Variants in COL23A1 observed in about 807,000 individuals in gnomAD.
COL23A1 encodes the protein collagen alpha-1(XXIII) chain.
In COL23A1, 97 loss-of-function variants were observed where a neutral mutation model predicts 99.3. The observed-to-expected ratio is 0.98, with a 90% confidence interval of 0.83 to 1.16. The LOEUF (loss-of-function observed/expected upper bound fraction) is 1.16. Ranked by LOEUF, COL23A1 falls within the 50% of genes most tolerant of loss-of-function variation. The pLI, the probability that COL23A1 is intolerant of heterozygous loss-of-function variation, is 0.00. For synonymous variants in COL23A1, 320 were observed against 308.2 expected, an observed-to-expected ratio of 1.04 and a Z score of -0.40; for missense variants, 762 against 757.4, an observed-to-expected ratio of 1.01 and a Z score of -0.07.
At chr5:178,316,863 C>T (rs1051095442) in intron 2 of COL23A1, among the ~76,000 whole-genome samples, 3 of 144,712 alleles carry the variant, frequency 2.1e-5, no homozygotes, top group African/African-American at 5.3e-5. Context: ...AAAAAAAAAA[C>T]GTTGCTTGGC....
chr5:178,301,334 TC>T (rs1758020575), intron 3 of COL23A1, among the ~76,000 whole-genome samples: 6 of 152,266 alleles, frequency 3.9e-5, no homozygotes. Flanking sequence ...GACATGATTC[TC>T]ATGCTTTCCT....
At chr5:178,317,961 C>T (rs1480890388) in intron 2 of COL23A1, among the ~76,000 whole-genome samples, 2 of 152,064 alleles carry the variant, frequency 1.3e-5, no homozygotes, top group African/African-American at 4.8e-5. Flanking sequence ...GAAAACCACC[C>T]CCGTGATTCA....
intron 2 of COL23A1, among the ~76,000 whole-genome samples, chr5:178,446,447 C>A (rs1767162429): frequency 6.6e-6 from 1 of 151,904 alleles, no homozygotes; most frequent in Non-Finnish European, 1.5e-5. Context: ...GTTTATCACA[C>A]AGAAAAAGCA....
rs73346840 is a variant in COL23A1, at chr5:178,341,829, C to A, written c.362-34910G>T. Reference sequence around the variant, plus strand: ...CCTCAGGACCTGACCCTTGGCTCTTCCTGTTTCTGGGGCCTGTCTTCCTCC... The same window carrying A: ...CCTCAGGACCTGACCCTTGGCTCTTACTGTTTCTGGGGCCTGTCTTCCTCC... On this transcript the variant is annotated intron_variant, in intron 2 of 28. Coordinates refer to ENST00000390654, the MANE Select transcript of COL23A1 (RefSeq NM_173465.4). 7.7e-3 allele frequency among the ~76,000 whole-genome samples: 1,170 copies of A among 152,278 alleles called. 17 individuals carry two copies. The highest frequency in any genetic ancestry group is 0.026 in the African/African-American group (1,093 of 41,556).
In COL23A1 at chr5:178,465,910, C is replaced by T. The variant is rs530077360; in HGVS notation, c.361+94772G>A. Among the ~76,000 whole-genome samples, 8 of 152,260 alleles carry T rather than the reference C, an allele frequency of 5.3e-5. No individual in the cohort carries two copies. The South Asian group carries it at 6.2e-4, about 12-fold the overall frequency. Reference sequence around the variant, plus strand: ...CGCTTGCCTGGCTTCCTGCCTGCTCCGGATGGCGAGTCTAACTCAGCGCAC... The same window carrying T: ...CGCTTGCCTGGCTTCCTGCCTGCTCTGGATGGCGAGTCTAACTCAGCGCAC... On this transcript the variant is annotated intron_variant, in intron 2 of 28. Transcript: ENST00000390654.
rs909115589 is a variant in COL23A1 at position 178,589,482 on chromosome 5, A to G, written c.294+422T>C. Among the ~76,000 whole-genome samples, 1 of 152,126 alleles carries G rather than the reference A, an allele frequency of 6.6e-6. No homozygotes were observed. Among genetic ancestry groups the G allele is most frequent in the Non-Finnish European group, 1.5e-5 (1 of 68,024 alleles). On this transcript the variant is annotated intron_variant, in intron 1 of 28. Coordinates refer to ENST00000390654, the MANE Select transcript of COL23A1 (RefSeq NM_173465.4). This position sits in a 1 kb window ranked among gnomAD's most constrained non-coding sequence, Gnocchi z 5.4. ...CCGTGACCACCGCCTCTCCAGGTGT[A>G]CCAGCGTTGGTTAGGAACAGTAGGT...
intron 1 of COL23A1, among the ~76,000 whole-genome samples, chr5:178,583,910 C>A (rs532891435): frequency 2.6e-5 from 4 of 152,240 alleles, no homozygotes; most frequent in South Asian, 2.1e-4. Flanking sequence ...GTCACCCAGG[C>A]TGGAGTGCAG....
intron 2 of COL23A1, among the ~76,000 whole-genome samples, chr5:178,467,252 T>C (rs1756470990): frequency 6.6e-6 from 1 of 152,188 alleles, no homozygotes; most frequent in Non-Finnish European, 1.5e-5. Context: ...ACTGAGGCCT[T>C]TGGGAAGGTC....
chr5:178,290,330 C>A (rs865856505), intron 4 of COL23A1, 32 bp downstream of exon 4: 3 of 1,613,900 alleles, frequency 1.9e-6, no homozygotes, highest in Middle Eastern at 3.3e-4. Context: ...TCTTATCTTT[C>A]AGAAGCAGAC....
intron 2 of COL23A1, among the ~76,000 whole-genome samples, chr5:178,317,213 C>T (rs1759028908): frequency 6.6e-6 from 1 of 152,214 alleles, no homozygotes; most frequent in Non-Finnish European, 1.5e-5. Flanking sequence ...TCCTATTATT[C>T]TTCAAGGACT....
chr5:178,249,905 C>G (rs945681348), intron 18 of COL23A1, among the ~76,000 whole-genome samples, 156 bp downstream of exon 18: 2 of 151,876 alleles, frequency 1.3e-5, no homozygotes, highest in Non-Finnish European at 2.9e-5. Context: ...GGTTTGCACA[C>G]AGGCAGCCTG....
chr5:178,344,948 C>T (rs539176200), intron 2 of COL23A1: 86 of 633,216 alleles, frequency 1.4e-4, no homozygotes, highest in Non-Finnish European at 2.3e-4. Context: ...AGAGAAAGTG[C>T]CAGTGGTTGC....
intron 2 of COL23A1, among the ~76,000 whole-genome samples, chr5:178,484,524 G>C (rs1757504974): frequency 6.6e-6 from 1 of 152,044 alleles, no homozygotes; most frequent in Admixed American, 6.5e-5. Context: ...TCCCGAAACT[G>C]TAAGAACAGT....
At chr5:178,548,002 T>C (rs1169752387) in intron 2 of COL23A1, among the ~76,000 whole-genome samples, 7 of 616 alleles carry the variant, frequency 0.011, no homozygotes, top group Admixed American at 0.025. Flanking sequence ...CACACCCCCA[T>C]ACCCACCCAC....
At chr5:178,287,464 C>G (rs1757218153) in intron 5 of COL23A1, among the ~76,000 whole-genome samples, 1 of 152,244 alleles carries the variant, frequency 6.6e-6, no homozygotes, top group Admixed American at 6.5e-5. Context: ...TGAGCACCTT[C>G]TCTTAAGGTC....
chr5:178,328,085 C>G (rs987980807), intron 2 of COL23A1, among the ~76,000 whole-genome samples: 5 of 152,068 alleles, frequency 3.3e-5, no homozygotes, highest in African/African-American at 1.2e-4. Flanking sequence ...AACCAAGAAC[C>G]CTGGGAGCTG....
rs80218662 is a variant in COL23A1, at chr5:178,274,309, G to A, written c.442-3946C>T. Among the ~76,000 whole-genome samples the A allele has an allele frequency of 6.9e-3, 1,055 of 152,334 alleles. 12 individuals are homozygous for A. Among genetic ancestry groups the A allele is most frequent in the African/African-American group, 0.024 (998 of 41,576 alleles). ...ACCAGGTGTTTCTACTGGTGGAGTG[G>A]GGGCTGAGCCTGGCTCTGGGTGCTC... On this transcript the variant is annotated intron_variant, in intron 5 of 28. Transcript: ENST00000390654.
chr5:178,437,526 GA>G (rs1766625204), intron 2 of COL23A1, among the ~76,000 whole-genome samples: 7 of 152,204 alleles, frequency 4.6e-5, no homozygotes, highest in Admixed American at 2.0e-4. Flanking sequence ...GAGGAGGGTA[GA>G]AGGCTGTATG....
intron 2 of COL23A1, among the ~76,000 whole-genome samples, chr5:178,398,842 C>T (rs73349093): frequency 0.046 from 6,939 of 152,298 alleles, 514 homozygotes; most frequent in African/African-American, 0.15. Flanking sequence ...ACATGTCTCT[C>T]GTTAGGCTGT....
Sources: gnomAD v4.1 joint callset for allele counts (sites outside exome capture counted in the v4.1 genomes callset) on GRCh38, gnomAD v4.1.1 for gene constraint, Gnocchi (gnomAD v3.1) non-coding constraint, MANE v1.5 for transcripts, NCBI Gene and HGNC (gene_info 2026-07-23, HGNC 2026-07-21) for gene names.